Variants in ABCF3 observed in about 807,000 individuals in gnomAD.
ABCF3 encodes the protein ATP-binding cassette sub-family F member 3.
ABCF3 carries 62 observed loss-of-function variants against 94.3 expected under a neutral mutation model. The observed-to-expected ratio is 0.66, with a 90% CI of 0.54 to 0.81. The LOEUF is 0.81. Ranked by LOEUF, ABCF3 falls within the 40% of genes least tolerant of loss-of-function variation. The pLI is 0.00. For missense variants in ABCF3, 843 were observed against 925.3 expected (o/e 0.91, Z 1.15); for synonymous variants, 355 against 361.1 (o/e 0.98, Z 0.19).
rs781307810 is a variant in ABCF3, at chr3:184,193,502, G to A, written c.1972-38G>A. 1 of 1,614,078 alleles carries A rather than the reference G, an allele frequency of 6.2e-7. No individual in the cohort carries two copies. The highest frequency in any genetic ancestry group is 2.2e-5 in the East Asian group (1 of 44,868). ...CTCCTCCCAGGCCTCGGTGCCTCTTGTGTCCCCCTGAGCACCTCCTGCCCT... is the reference window on the plus strand; with the variant it reads ...CTCCTCCCAGGCCTCGGTGCCTCTTATGTCCCCCTGAGCACCTCCTGCCCT... On this transcript the variant is annotated intron_variant, in intron 20 of 20. Transcript: ENST00000429586. The surrounding 1 kb of genome is among the most constrained non-coding windows in gnomAD (Gnocchi z 5.2).
intron 3 of ABCF3, chr3:184,187,115 G>C (rs574008316): frequency 1.6e-6 from 1 of 633,448 alleles, no homozygotes; most frequent in African/African-American, 1.8e-5. Context: ...GGACAGACTT[G>C]CTTTCACCCC....
At chr3:184,190,925 C>T (rs142110150) in intron 14 of ABCF3, 74 bp from the exon 15 acceptor site, 2 of 1,555,470 alleles carry the variant, frequency 1.3e-6, no homozygotes, top group African/African-American at 1.4e-5. Flanking sequence ...TAAGTTTTCT[C>T]TGAACATATA....
intron 16 of ABCF3, among the ~76,000 whole-genome samples, chr3:184,192,073 G>A (rs1322677610): frequency 6.6e-6 from 1 of 152,036 alleles, no homozygotes; most frequent in African/African-American, 2.4e-5. Flanking sequence ...TTTTTTGGTT[G>A]TTGAAGGAGT....
chr3:184,191,265 C>G lies in ABCF3; in HGVS notation c.1569+10C>G. On this transcript the variant is annotated intron_variant, in intron 16 of 20. Transcript: ENST00000429586. The stretch of plus-strand genomic sequence containing the variant: ...GTCTCGCATCTGTGTGGTAAGGCTG[C>G]TGTTTCTCTGTGCTGCGAGCTGGGA... 6.2e-7 allele frequency: 1 copy of G among 1,613,838 alleles called. No individual in the cohort carries two copies. The highest frequency in any genetic ancestry group is 8.5e-7 in the Non-Finnish European group (1 of 1,180,030).
chr3:184,191,562 T>C (rs1203339054), intron 16 of ABCF3, among the ~76,000 whole-genome samples: 1 of 152,172 alleles, frequency 6.6e-6, no homozygotes, highest in African/African-American at 2.4e-5. Context: ...GAGCATGGGC[T>C]TCAGGGTCAG....
At chr3:184,188,583 T>A in intron 7 of ABCF3, 176 bp downstream of exon 7, 1 of 1,049,908 alleles carries the variant, frequency 9.5e-7, no homozygotes, top group Non-Finnish European at 1.4e-6. Flanking sequence ...CCTTTCTTGT[T>A]CTTTCCACAG....
rs1255966225 is a variant in ABCF3, at chr3:184,189,393, A to G, written c.1063A>G (p.Thr355Ala). ...RPDLLLLDEP[T>A]NMLDVRAILW... ...GTGCTCCCCTGCTTCTCCAGAACCTACAAACATGCTGGATGTCAGGGCCAT... is the reference window on the plus strand; with the variant it reads ...GTGCTCCCCTGCTTCTCCAGAACCTGCAAACATGCTGGATGTCAGGGCCAT... Residue 355 changes from threonine to alanine, a missense_variant, in exon 12 of 21, where the codon ACA becomes GCA. Physicochemically the swap from Thr to Ala is moderately conservative, Grantham distance 58 (BLOSUM62 0). Coordinates refer to ENST00000429586, the MANE Select transcript of ABCF3 (RefSeq NM_018358.3). 1 of 1,613,916 alleles carries G rather than the reference A, an allele frequency of 6.2e-7. No individual in the cohort carries two copies. The highest frequency in any genetic ancestry group is 8.5e-7 in the Non-Finnish European group (1 of 1,179,990).
rs146352349 is a variant in ABCF3 at position 184,186,577 on chromosome 3, G to A, written c.144G>A (p.Leu48=). The A allele has an allele frequency of 4.9e-5, 79 of 1,613,958 alleles. No homozygotes were observed. Among genetic ancestry groups the A allele is most frequent in the Non-Finnish European group, 6.2e-5 (73 of 1,179,976 alleles). The part of the protein sequence containing the change: ...DDLVEAVGEL[L]QEVSGDSKDD... ...TGGTGGAAGCTGTAGGGGAACTATT[G>A]CAAGAGGTGTCCGGGGACAGCAAGG... Residue 48 remains leucine, a synonymous_variant, in exon 2 of 21, where the codon TTG becomes TTA. Coordinates refer to ENST00000429586, the MANE Select transcript of ABCF3 (RefSeq NM_018358.3).
chr3:184,188,534 G>A, intron 7 of ABCF3, 127 bp downstream of exon 7: 4 of 1,284,462 alleles, frequency 3.1e-6, no homozygotes, highest in Non-Finnish European at 4.2e-6. Context: ...TGGCACTCTG[G>A]GACTCAGAAG....
rs767510133 is a variant in ABCF3, at chr3:184,192,822, A to G, written c.1676A>G (p.Tyr559Cys). 2.5e-6 allele frequency: 4 copies of G among 1,614,076 alleles called. No individual in the cohort carries two copies. Among genetic ancestry groups the G allele is most frequent in the Non-Finnish European group, 3.4e-6 (4 of 1,179,960 alleles). The change falls in exon 18 of 21, where the codon TAT becomes TGT. Residue 559 changes from tyrosine (Y) to cysteine (C), a missense_variant. Transcript: ENST00000429586. ...RHAHRNLKIGYFSQHHVEQLD... is the reference protein window; with the variant it reads ...RHAHRNLKIGCFSQHHVEQLD... ...GCCTGCAGGAATCTGAAGATTGGCT[A>G]TTTCAGCCAGCACCATGTGGAGCAG...
chr3:184,191,313 G>A (rs990309769), intron 16 of ABCF3, 58 bp downstream of exon 16: 8 of 1,608,170 alleles, frequency 5.0e-6, no homozygotes, highest in Non-Finnish European at 6.8e-6. Flanking sequence ...AGTGTGTGGT[G>A]TGGATTGGCC....
At chr3:184,189,350 C>T (rs1715858153) in intron 11 of ABCF3, 38 bp from the exon 12 acceptor site, 8 of 1,614,072 alleles carry the variant, frequency 5.0e-6, no homozygotes, top group Middle Eastern at 1.6e-4. Flanking sequence ...AGTTCTCCAG[C>T]CCTTCAATCC....
At chr3:184,187,174 A>G (rs1490507759) in intron 3 of ABCF3, 3 of 653,060 alleles carry the variant, frequency 4.6e-6, no homozygotes, top group Non-Finnish European at 7.9e-6. Context: ...AGAGTTGGTT[A>G]TCTGTCCCCA....
chr3:184,187,171 G>T (rs924450475), intron 3 of ABCF3: 3 of 650,302 alleles, frequency 4.6e-6, no homozygotes, highest in Non-Finnish European at 8.0e-6. Context: ...GTAAGAGTTG[G>T]TTATCTGTCC....
rs1354510008 is a variant in ABCF3 at position 184,187,659 on chromosome 3, C to T, written c.349-5C>T. 8 of 1,614,006 alleles carry T rather than the reference C, an allele frequency of 5.0e-6. No homozygotes were observed. The highest frequency in any genetic ancestry group is 6.8e-6 in the Non-Finnish European group (8 of 1,180,016). On this transcript the variant is annotated splice_region_variant and splice_polypyrimidine_tract_variant and intron_variant, in intron 4 of 20. Coordinates refer to ENST00000429586, the MANE Select transcript of ABCF3 (RefSeq NM_018358.3). ...AGAGTGAAGTCGATGTGTTTGGACCCTTAGACAGTGAATGCAAAGAAGTTA... is the reference window on the plus strand; with the variant it reads ...AGAGTGAAGTCGATGTGTTTGGACCTTTAGACAGTGAATGCAAAGAAGTTA...
chr3:184,193,330 C>G lies in ABCF3; in HGVS notation c.1884-35C>G. Reference sequence around the variant, plus strand: ...AGGCTTTATTTTCTCTCACCGCACCCCTTCACTGCCCACCTTCCTGGTTCT... The same window carrying G: ...AGGCTTTATTTTCTCTCACCGCACCGCTTCACTGCCCACCTTCCTGGTTCT... On this transcript the variant is annotated intron_variant, in intron 19 of 20. Transcript: ENST00000429586. This position sits in a 1 kb window ranked among gnomAD's most constrained non-coding sequence, Gnocchi z 5.2. 6.2e-7 allele frequency: 1 copy of G among 1,614,024 alleles called. No individual in the cohort carries two copies. Among genetic ancestry groups the G allele is most frequent in the Non-Finnish European group, 8.5e-7 (1 of 1,179,948 alleles).
Position 184,189,932 on chromosome 3 carries a change from G to A in ABCF3, c.1391+1G>A. ...GTAAACTCAAGATGCTGGAGAAGCT[G>A]TGAGTACAGCATCCTTGGCCAGGGC... On this transcript the variant is annotated splice_donor_variant, in intron 14 of 20. Transcript: ENST00000429586. LOFTEE classifies it high-confidence loss of function. 2.5e-6 allele frequency: 4 copies of A among 1,614,206 alleles called. No individual in the cohort carries two copies. Among genetic ancestry groups the A allele is most frequent in the Non-Finnish European group, 2.5e-6 (3 of 1,180,014 alleles).
In ABCF3 at chr3:184,186,595, C is replaced by T. The variant is rs138438000; in HGVS notation, c.162C>T (p.Asp54=). 2 of 1,613,978 alleles carry T rather than the reference C, an allele frequency of 1.2e-6. No individual in the cohort carries two copies. The highest frequency in any genetic ancestry group is 8.5e-7 in the Non-Finnish European group (1 of 1,179,938). ...VGELLQEVSG[D]SKDDAGIRAV... The stretch of plus-strand genomic sequence containing the variant: ...AACTATTGCAAGAGGTGTCCGGGGA[C>T]AGCAAGGATGACGCGGGCATCAGGG... Residue 54 remains aspartate (D), a synonymous_variant, in exon 2 of 21, where the codon GAC becomes GAT. Transcript: ENST00000429586.
intron 3 of ABCF3, 99 bp from the exon 4 acceptor site, chr3:184,187,298 A>G: frequency 7.2e-7 from 1 of 1,389,786 alleles, no homozygotes; most frequent in East Asian, 2.3e-5. Context: ...AAGGTTTTGT[A>G]GAAAACATCT....
Sources: gnomAD v4.1 joint callset for allele counts (sites outside exome capture counted in the v4.1 genomes callset) on GRCh38, gnomAD v4.1.1 for gene constraint, Gnocchi (gnomAD v3.1) non-coding constraint, MANE v1.5 for transcripts, NCBI Gene and HGNC (gene_info 2026-07-23, HGNC 2026-07-21) for gene names.